Variants in CCDC171 observed in about 807,000 individuals in gnomAD.
CCDC171 encodes the protein coiled-coil domain-containing protein 171.
Under a neutral mutation model 168.2 loss-of-function variants are expected in CCDC171, and 177 were observed. The observed-to-expected ratio is 1.05, with a 90% CI of 0.93 to 1.19. CCDC171 has a LOEUF of 1.19. Ranked by LOEUF, CCDC171 falls within the 50% of genes most tolerant of loss-of-function variation. The pLI, the probability that CCDC171 is intolerant of heterozygous loss-of-function variation, is 0.00. For missense variants in CCDC171, 1,991 were observed against 1,539.0 expected (o/e 1.29, Z -4.91); for synonymous variants, 687 against 540.8 (o/e 1.27, Z -3.75).
intron 6 of CCDC171, among the ~76,000 whole-genome samples, chr9:15,612,077 A>G (rs1201435178): frequency 6.6e-6 from 1 of 152,230 alleles, no homozygotes; most frequent in African/African-American, 2.4e-5. Context: ...CTTGCCAGAC[A>G]TTGAATCTGC....
chr9:15,661,019 G>T (rs1420828984), intron 8 of CCDC171, among the ~76,000 whole-genome samples: 1 of 152,130 alleles, frequency 6.6e-6, no homozygotes, highest in Non-Finnish European at 1.5e-5. Flanking sequence ...GGGGGCTCAC[G>T]CCTGTAATCC....
Position 15,657,131 on chromosome 9 carries a change from C to A in CCDC171, c.827C>A (p.Thr276Asn). The A allele has an allele frequency of 4.4e-6, 7 of 1,576,744 alleles. No individual in the cohort carries two copies. The highest frequency in any genetic ancestry group is 6.0e-6 in the Non-Finnish European group (7 of 1,160,800). The change falls in exon 8 of 26, where the codon ACT (threonine) becomes AAT (asparagine). Residue 276 changes from threonine (T) to asparagine (N), a missense_variant. Physicochemically the swap from Thr to Asn is moderately conservative, Grantham distance 65 (BLOSUM62 0). Transcript: ENST00000380701. ...AAACTTTTAATTTGTTTTCAGGCAA[C>A]TACTCTAAGAGTGAGGAAATTAGAA... ...EERLRKEFEA[T>N]TLRVRKLEEN...
chr9:15,556,042 C>T (rs1205356581), intron 1 of CCDC171, among the ~76,000 whole-genome samples: 2 of 152,268 alleles, frequency 1.3e-5, no homozygotes, highest in South Asian at 4.1e-4. Context: ...CATAGTATTC[C>T]ATGGTGTATA....
chr9:15,784,365 G>A lies in CCDC171; in HGVS notation c.3082-144G>A, dbSNP rs1216517381. ...CAGTAGTATTTTTATCTTGACTTAT[G>A]CAATTAAGAAAAGCTAATTGTATTT... On this transcript the variant is annotated intron_variant, in intron 20 of 25. Transcript: ENST00000380701. 5 of 472,026 alleles carry A rather than the reference G, an allele frequency of 1.1e-5. No individual in the cohort carries two copies. The Admixed American group carries it at 1.6e-4, about 15-fold the overall frequency. The allele number at this position is 472,026 out of a possible 1,614,324, so 29.2% of individuals were successfully genotyped here.
chr9:15,747,896 A>T (rs929794454), intron 18 of CCDC171, among the ~76,000 whole-genome samples: 4 of 152,196 alleles, frequency 2.6e-5, no homozygotes, highest in African/African-American at 9.7e-5. Flanking sequence ...ACTGAGAATG[A>T]CTTTGACGAG....
intron 7 of CCDC171, among the ~76,000 whole-genome samples, chr9:15,649,362 C>T (rs528001599): frequency 2.6e-5 from 4 of 152,188 alleles, no homozygotes; most frequent in Admixed American, 6.5e-5. Flanking sequence ...ACTAAAACAC[C>T]AAAAGCAATG....
intron 21 of CCDC171, among the ~76,000 whole-genome samples, chr9:15,802,373 A>G (rs1181178539): frequency 1.3e-5 from 2 of 151,814 alleles, no homozygotes; most frequent in African/African-American, 4.8e-5. Context: ...TAAGCCCTGC[A>G]TCCATTAGCT....
At chr9:15,583,348 G>C (rs1431577514) in intron 4 of CCDC171, among the ~76,000 whole-genome samples, 1 of 147,354 alleles carries the variant, frequency 6.8e-6, no homozygotes, top group Non-Finnish European at 1.5e-5. Context: ...GGAGGCAGAG[G>C]TTGCAGTGAG....
At chr9:16,042,002 A>G (rs112882655), upstream of CCDC171, among the ~76,000 whole-genome samples, 5 of 152,348 alleles carry the variant, frequency 3.3e-5, no homozygotes, top group African/African-American at 1.2e-4. Context: ...AGTCTCATTC[A>G]ATCTTCATTT....
At chr9:15,574,258 C>T (rs1468792867) in intron 3 of CCDC171, among the ~76,000 whole-genome samples, 3 of 152,108 alleles carry the variant, frequency 2.0e-5, no homozygotes, top group Non-Finnish European at 4.4e-5. Context: ...GTTCCTCCTG[C>T]TTCAGCCTCC....
intron 21 of CCDC171, among the ~76,000 whole-genome samples, chr9:15,845,280 CT>C (rs1320554305): frequency 2.0e-5 from 3 of 151,986 alleles, no homozygotes; most frequent in African/African-American, 7.2e-5. Context: ...GTGACTATTT[CT>C]GTGGTGGAAC....
intron 3 of CCDC171, among the ~76,000 whole-genome samples, chr9:15,993,384 T>C (rs1466428988): frequency 6.6e-6 from 1 of 152,120 alleles, no homozygotes; most frequent in African/African-American, 2.4e-5. Context: ...GAAAACTGGA[T>C]AGCCATATGT....
At chr9:15,613,433 T>C (rs1274715924) in intron 6 of CCDC171, among the ~76,000 whole-genome samples, 1 of 152,138 alleles carries the variant, frequency 6.6e-6, no homozygotes, top group Non-Finnish European at 1.5e-5. Context: ...AAAACACTCA[T>C]ATTAAACATT....
intron 1 of CCDC171, among the ~76,000 whole-genome samples, chr9:15,555,875 A>G (rs550959215): frequency 6.6e-6 from 1 of 151,622 alleles, no homozygotes; most frequent in South Asian, 2.1e-4. Context: ...GATGTTCCCC[A>G]CCCTGTGTCC....
intron 21 of CCDC171, among the ~76,000 whole-genome samples, chr9:15,839,497 T>C (rs1006302969): frequency 2.0e-5 from 3 of 152,162 alleles, no homozygotes; most frequent in African/African-American, 7.2e-5. Flanking sequence ...GGAAATAACT[T>C]TTCTGATTCT....
intron 10 of CCDC171, among the ~76,000 whole-genome samples, chr9:15,680,789 T>C (rs1188133843): frequency 6.6e-6 from 1 of 152,112 alleles, no homozygotes; most frequent in East Asian, 1.9e-4. Context: ...TGGAGAAAAA[T>C]ATATCAGGGT....
At chr9:15,840,620 C>G (rs2060638335) in intron 21 of CCDC171, among the ~76,000 whole-genome samples, 1 of 152,048 alleles carries the variant, frequency 6.6e-6, no homozygotes, top group African/African-American at 2.4e-5. Context: ...TGCAGTGCAG[C>G]CAAACTCAGT....
At chr9:15,625,132 T>C (rs971569367) in intron 7 of CCDC171, among the ~76,000 whole-genome samples, 1 of 152,240 alleles carries the variant, frequency 6.6e-6, no homozygotes, top group African/African-American at 2.4e-5. Context: ...AAGTGTCTGT[T>C]CATATCCTTC....
intron 2 of CCDC171, among the ~76,000 whole-genome samples, chr9:15,566,386 C>T (rs917453836): frequency 6.6e-6 from 1 of 151,918 alleles, no homozygotes; most frequent in Non-Finnish European, 1.5e-5. Flanking sequence ...GGCGAAACCC[C>T]ATCTCTACAA....
Sources: allele counts gnomAD v4.1 joint callset (sites outside exome capture counted in the v4.1 genomes callset), GRCh38; gene constraint gnomAD v4.1.1; transcripts MANE v1.5; gene names NCBI Gene and HGNC (gene_info 2026-07-23, HGNC 2026-07-21).